Variants in USP36 observed in about 807,000 individuals in gnomAD.
USP36 encodes ubiquitin specific peptidase 36.
In USP36, 59 loss-of-function variants were observed where a neutral mutation model predicts 111.5. The observed-to-expected ratio is 0.53, with a 90% confidence interval of 0.43 to 0.66. The LOEUF is 0.66. Ranked by LOEUF, USP36 falls within the 30% of genes least tolerant of loss-of-function variation. The pLI is 0.00. For missense variants in USP36, 1,488 were observed against 1,468.0 expected (o/e 1.01, Z -0.22); for synonymous variants, 628 against 581.0 (o/e 1.08, Z -1.16).
At position 78,836,169 on chromosome 17, in the gene USP36, G is replaced by C; in HGVS notation, c.195C>G (p.Pro65=). The change falls in exon 3 of 21, where the codon CCC becomes CCG. Residue 65 remains proline, a synonymous_variant. Coordinates refer to ENST00000449938, the MANE Select transcript of USP36 (RefSeq NM_001385174.1). ...ALKSKYVLLN[P]KTEGASRHKS... is the part of the protein sequence containing the mutation. ...TGTGGCGACTAGCTCCCTCTGTTTT[G>C]GGGTTGAGCAACACATATTTGCTCT... 4.3e-6 allele frequency: 7 copies of C among 1,614,082 alleles called. No homozygotes were observed. The highest frequency in any genetic ancestry group is 5.9e-6 in the Non-Finnish European group (7 of 1,180,038).
chr17:78,827,860 G>T (rs1244349193), intron 5 of USP36, among the ~76,000 whole-genome samples: 4 of 152,224 alleles, frequency 2.6e-5, no homozygotes, highest in Non-Finnish European at 4.4e-5. Flanking sequence ...AGTGAGCTAT[G>T]ATCTCACCAC....
At chr17:78,795,542 T>C (rs1449746434), downstream of USP36, 2 of 152,102 alleles carry the variant, frequency 1.3e-5, no homozygotes, top group African/African-American at 2.4e-5. This position sits in a 1 kb window ranked among gnomAD's most constrained non-coding sequence, Gnocchi z 4.5. Context: ...GGGACCTACC[T>C]GCCCCTCCTA....
At position 78,822,541 on chromosome 17, in the gene USP36, C is replaced by T. The variant is rs572611961; in HGVS notation, c.690-537G>A. ...TCTGCACCCGTCTCAGAGAGGACAG[C>T]GGAGTCAGACGTGGGCTTCGGGGTC... is the stretch of plus-strand genomic sequence containing the variant. On this transcript the variant is annotated intron_variant, in intron 6 of 20. Coordinates refer to ENST00000449938, the MANE Select transcript of USP36 (RefSeq NM_001385174.1). Among the ~76,000 whole-genome samples, 12 of 152,236 alleles carry T rather than the reference C, an allele frequency of 7.9e-5. No individual in the cohort carries two copies. In the South Asian group the frequency reaches 2.5e-3, roughly 32 times the overall value.
intron 7 of USP36, chr17:78,821,420 A>ATATTTTTTTT (rs1192213715): frequency 8.7e-5 from 3 of 34,554 alleles, no homozygotes; most frequent in African/African-American, 4.8e-4. Flanking sequence ...ATATATATAT[A>ATATTTTTTTT]TTTTTTTTTT....
At chr17:78,839,617 G>A (rs1241298262) in intron 1 of USP36, among the ~76,000 whole-genome samples, 3 of 152,200 alleles carry the variant, frequency 2.0e-5, no homozygotes, top group Admixed American at 6.5e-5. Flanking sequence ...CTCGAGATAA[G>A]TAACTTTGAA....
chr17:78,826,940 C>T (rs980407164), intron 6 of USP36: 1 of 603,140 alleles, frequency 1.7e-6, no homozygotes, highest in Non-Finnish European at 3.0e-6. Context: ...CTAAGAAGGT[C>T]TGCTAACATA....
Position 78,806,224 on chromosome 17 carries a change from G to A in USP36, c.2148C>T (p.Ser716=), listed in dbSNP as rs376077925. ...DLRPPPPSPS[S]DLTHPMKTSH... Reference sequence around the variant, plus strand: ...AGGTTTTCATGGGGTGGGTGAGGTCGGAGGATGGTGAGGGGGGAGGTGGAC... The same window carrying A: ...AGGTTTTCATGGGGTGGGTGAGGTCAGAGGATGGTGAGGGGGGAGGTGGAC... The change falls in exon 15 of 21, where the codon TCC becomes TCT. Residue 716 remains serine, a synonymous_variant. Coordinates refer to ENST00000449938, the MANE Select transcript of USP36 (RefSeq NM_001385174.1). 3.8e-4 allele frequency: 612 copies of A among 1,613,702 alleles called. 1 individual carries two copies. The highest frequency in any genetic ancestry group is 1.0e-3 in the Middle Eastern group (6 of 5,926).
At chr17:78,810,844 G>T (rs2094031618) in intron 13 of USP36, among the ~76,000 whole-genome samples, 1 of 152,106 alleles carries the variant, frequency 6.6e-6, no homozygotes, top group African/African-American at 2.4e-5. Flanking sequence ...GCCGGGCACG[G>T]TGGCTCATGC....
rs1322512710 is a variant in USP36 at position 78,798,252 on chromosome 17, CCACACCACA to C, written c.*20+139_*20+147del. On this transcript the variant is annotated intron_variant, in intron 20 of 20. Coordinates refer to ENST00000449938, the MANE Select transcript of USP36 (RefSeq NM_001385174.1). This position sits in a 1 kb window ranked among gnomAD's most constrained non-coding sequence, Gnocchi z 5.1. ...ACTAGGACACACACCACAGACGCGC[CCACACCACA>C]CACACCACCCAACACACATGTGCCA... 8 of 1,076,180 alleles carry C rather than the reference CCACACCACA, an allele frequency of 7.4e-6. No individual in the cohort carries two copies. Among genetic ancestry groups the C allele is most frequent in the Non-Finnish European group, 1.0e-5 (8 of 763,240 alleles). 66.7% of individuals were successfully genotyped at this position (1,076,180 alleles called of 1,614,324 possible).
Position 78,814,519 on chromosome 17 carries a change from G to A in USP36, c.1057C>T (p.Pro353Ser). The change falls in exon 11 of 21, where the codon CCG (proline) becomes TCG (serine). Residue 353 changes from proline (P) to serine (S), a missense_variant. Coordinates refer to ENST00000449938, the MANE Select transcript of USP36 (RefSeq NM_001385174.1). ...VGYPEFLNIR[P>S]YMSQNNGDPV... ...TCACCATTATTCTGGGACATATACG[G>A]ACGTATGTTGAGGAATTCCGGATAG... The A allele has an allele frequency of 6.2e-7, 1 of 1,614,162 alleles. No individual in the cohort carries two copies. Among genetic ancestry groups the A allele is most frequent in the Middle Eastern group, 1.7e-4 (1 of 6,058 alleles).
downstream of USP36, among the ~76,000 whole-genome samples, chr17:78,791,283 C>T (rs1394041769): frequency 6.6e-6 from 1 of 151,990 alleles, no homozygotes; most frequent in Non-Finnish European, 1.5e-5. Flanking sequence ...TACAGGCATG[C>T]ACCACCATGC....
chr17:78,810,022 T>C (rs777563065), intron 13 of USP36, among the ~76,000 whole-genome samples: 2 of 152,114 alleles, frequency 1.3e-5, no homozygotes, highest in African/African-American at 2.4e-5. Context: ...AACTTTTGTA[T>C]TTTTAGTAGA....
intron 16 of USP36, 108 bp from the exon 17 acceptor site, chr17:78,802,643 C>T: frequency 9.2e-7 from 1 of 1,086,874 alleles, no homozygotes; most frequent in Non-Finnish European, 1.3e-6. Flanking sequence ...CAGCTGTGAC[C>T]CAGTGCACGC....
downstream of USP36, among the ~76,000 whole-genome samples, chr17:78,795,376 C>A (rs909294418): frequency 6.6e-6 from 1 of 152,316 alleles, no homozygotes; most frequent in East Asian, 1.9e-4. This position sits in a 1 kb window ranked among gnomAD's most constrained non-coding sequence, Gnocchi z 4.5. Context: ...AAGGGAGATG[C>A]GGGGAGCCAC....
At chr17:78,833,348 C>G (rs2068327992) in intron 4 of USP36, among the ~76,000 whole-genome samples, 1 of 151,896 alleles carries the variant, frequency 6.6e-6, no homozygotes, top group African/African-American at 2.4e-5. Context: ...GTGGTGTGAT[C>G]TCAGCTCAAT....
chr17:78,840,400 C>G (rs931342258), intron 1 of USP36: 11 of 152,376 alleles, frequency 7.2e-5, no homozygotes, highest in African/African-American at 2.2e-4. Context: ...CGACTTCAAC[C>G]TCTCCGAAGT....
chr17:78,833,741 A>G (rs1247619743), intron 4 of USP36, among the ~76,000 whole-genome samples: 1 of 152,182 alleles, frequency 6.6e-6, no homozygotes, highest in Non-Finnish European at 1.5e-5. Context: ...AGTTGCTTAC[A>G]GTTTTTTAGA....
chr17:78,814,452 C>G lies in USP36; in HGVS notation c.1124G>C (p.Gly375Ala). The part of the protein sequence containing the change: ...YGLYAVLVHS[G>A]YSCHAGHYYC... Reference sequence around the variant, plus strand: ...ATAGTGCCCGGCATGGCAGCTGTAGCCCGAGTGCACCAGGACAGCATAGAG... The same window carrying G: ...ATAGTGCCCGGCATGGCAGCTGTAGGCCGAGTGCACCAGGACAGCATAGAG... Residue 375 changes from glycine to alanine, a missense_variant, in exon 11 of 21, where the codon GGC becomes GCC. Transcript: ENST00000449938. 1.2e-6 allele frequency: 2 copies of G among 1,614,148 alleles called. No homozygotes were observed. The highest frequency in any genetic ancestry group is 1.7e-6 in the Non-Finnish European group (2 of 1,180,018).
chr17:78,806,926 T>A, intron 14 of USP36, 33 bp downstream of exon 14: 1 of 1,606,040 alleles, frequency 6.2e-7, no homozygotes, highest in South Asian at 1.1e-5. Context: ...GCTCTCCTGA[T>A]ACACAGCAGC....
Sources: gnomAD v4.1 joint callset for allele counts (sites outside exome capture counted in the v4.1 genomes callset) on GRCh38, gnomAD v4.1.1 for gene constraint, Gnocchi (gnomAD v3.1) non-coding constraint, MANE v1.5 for transcripts, NCBI Gene and HGNC (gene_info 2026-07-23, HGNC 2026-07-21) for gene names.